The following MBTPS1 variants were observed in gnomAD, a reference collection of about 807,000 sequenced individuals.
The protein encoded by MBTPS1 is membrane bound transcription factor peptidase, site 1, also known as membrane-bound transcription factor site-1 protease.
Under a neutral mutation model 127.8 loss-of-function variants are expected in MBTPS1, and 94 were observed. The observed-to-expected ratio is 0.74, with a 90% CI of 0.62 to 0.87. The LOEUF is 0.87. Ranked by LOEUF, MBTPS1 falls within the 40% of genes least tolerant of loss-of-function variation. The pLI, the probability that MBTPS1 is intolerant of heterozygous loss-of-function variation, is 0.00. For synonymous variants in MBTPS1, 632 were observed against 509.4 expected (o/e 1.24, Z -3.24); for missense variants, 1,636 against 1,353.2 (o/e 1.21, Z -3.28).
intron 10 of MBTPS1, among the ~76,000 whole-genome samples, chr16:84,083,075 C>A (rs2085964458): frequency 6.6e-6 from 1 of 152,244 alleles, no homozygotes; most frequent in Non-Finnish European, 1.5e-5. Context: ...GCTTACTCAA[C>A]AGCAGAGAGC....
chr16:84,061,959 A>G (rs1597304515), intron 19 of MBTPS1, among the ~76,000 whole-genome samples: 1 of 152,166 alleles, frequency 6.6e-6, no homozygotes, highest in Non-Finnish European at 1.5e-5. Context: ...GAAAGATGAA[A>G]AAAGCTGCCA....
chr16:84,106,839 G>A (rs749602415), intron 1 of MBTPS1, among the ~76,000 whole-genome samples: 6 of 152,176 alleles, frequency 3.9e-5, no homozygotes, highest in South Asian at 2.1e-4. Flanking sequence ...GATAAGAGGC[G>A]ATGACATTAC....
At position 84,068,330 on chromosome 16, in the gene MBTPS1, G is replaced by T. The variant is rs1320875711; in HGVS notation, c.2071+9C>A. 2 of 1,563,006 alleles carry T rather than the reference G, an allele frequency of 1.3e-6. No homozygotes were observed. The highest frequency in any genetic ancestry group is 1.7e-5 in the Admixed American group (1 of 59,922). On this transcript the variant is annotated intron_variant, in intron 15 of 22. Transcript: ENST00000343411. ...AAGACCATCTGGCTAGCACAGCAGT[G>T]CCACTTACCATACTGACTGGCATCA...
intron 1 of MBTPS1, among the ~76,000 whole-genome samples, chr16:84,114,512 TC>T (rs1183752158): frequency 2.0e-5 from 3 of 152,022 alleles, no homozygotes; most frequent in African/African-American, 7.2e-5. Flanking sequence ...CCTCCAAACT[TC>T]TAACTTCCTT....
chr16:84,065,758 G>A lies in MBTPS1; in HGVS notation c.2363C>T (p.Ala788Val), dbSNP rs1316768461. The A allele has an allele frequency of 1.9e-6, 3 of 1,599,028 alleles. No homozygotes were observed. Among genetic ancestry groups the A allele is most frequent in the East Asian group, 2.2e-5 (1 of 44,452 alleles). ...FTLANHDMYYASGCSIAKFPE... is the reference protein window; with the variant it reads ...FTLANHDMYYVSGCSIAKFPE... ...AAACTTCGCGATGCTGCACCCTGAC[G>A]CATAATACACTAGGAAAGAGTGTTC... Residue 788 changes from alanine (A) to valine (V), a missense_variant, in exon 18 of 23, where the codon GCG (alanine) becomes GTG (valine). Transcript: ENST00000343411.
At chr16:84,114,933 G>C (rs1463339598) in intron 1 of MBTPS1, among the ~76,000 whole-genome samples, 1 of 150,312 alleles carries the variant, frequency 6.7e-6, no homozygotes, top group Non-Finnish European at 1.5e-5. Context: ...GTTTTTTTTT[G>C]TTTTTTGTTT....
At chr16:84,095,265 G>T (rs1360438192) in intron 4 of MBTPS1, among the ~76,000 whole-genome samples, 2 of 152,232 alleles carry the variant, frequency 1.3e-5, no homozygotes, top group Non-Finnish European at 2.9e-5. Context: ...GTGGCCGGCA[G>T]CGCTGTGCTC....
intron 11 of MBTPS1, among the ~76,000 whole-genome samples, chr16:84,077,319 G>T (rs1036558339): frequency 6.6e-6 from 1 of 151,274 alleles, no homozygotes; most frequent in Non-Finnish European, 1.5e-5. Flanking sequence ...AAATTACAAG[G>T]GGAACTAGCA....
intron 22 of MBTPS1, 38 bp downstream of exon 22, chr16:84,055,967 G>T (rs756857054): frequency 3.1e-6 from 5 of 1,596,568 alleles, no homozygotes; most frequent in African/African-American, 1.3e-5. Context: ...CAAAATACAG[G>T]ATGACTGAGC....
At chr16:84,087,258 G>C in intron 9 of MBTPS1, 100 bp downstream of exon 9, 2 of 850,498 alleles carry the variant, frequency 2.4e-6, no homozygotes, top group Non-Finnish European at 3.9e-6. Context: ...GAGGGTGTCT[G>C]TGCACTTACA....
chr16:84,067,932 A>C (rs1364673748), intron 15 of MBTPS1, 109 bp from the exon 16 acceptor site: 1 of 1,100,838 alleles, frequency 9.1e-7, no homozygotes, highest in East Asian at 2.6e-5. Context: ...GACACCTAAC[A>C]GTCTGGTTTG....
At chr16:84,109,331 G>C (rs1262869393) in intron 1 of MBTPS1, 1 of 152,170 alleles carries the variant, frequency 6.6e-6, no homozygotes, top group Non-Finnish European at 1.5e-5. Context: ...CCAACCCGTG[G>C]AATAAAACAG....
At chr16:84,095,921 G>C (rs1258629920) in intron 3 of MBTPS1, 116 bp from the exon 4 acceptor site, 1 of 752,322 alleles carries the variant, frequency 1.3e-6, no homozygotes, top group Non-Finnish European at 2.2e-6. Flanking sequence ...CTGTTTGAAG[G>C]AAAGTGGGAT....
intron 1 of MBTPS1, among the ~76,000 whole-genome samples, chr16:84,104,152 C>G (rs1159911149): frequency 4.6e-5 from 7 of 152,160 alleles, no homozygotes; most frequent in Admixed American, 3.9e-4. Flanking sequence ...CCAGTAATAA[C>G]AGTTCTCATA....
intron 1 of MBTPS1, among the ~76,000 whole-genome samples, chr16:84,116,342 C>G (rs1434699233): frequency 6.6e-6 from 1 of 152,228 alleles, no homozygotes; most frequent in Non-Finnish European, 1.5e-5. Flanking sequence ...CAAAAACCAG[C>G]AGCGCAATAT....
At chr16:84,070,802 G>A in intron 12 of MBTPS1, 26 bp from the exon 13 acceptor site, 4 of 1,571,970 alleles carry the variant, frequency 2.5e-6, no homozygotes, top group Non-Finnish European at 3.5e-6. Context: ...ATCAGACAAA[G>A]GCTAAAGTGA....
chr16:84,064,319 G>A (rs2085651662), intron 18 of MBTPS1, among the ~76,000 whole-genome samples: 2 of 152,122 alleles, frequency 1.3e-5, no homozygotes, highest in South Asian at 4.1e-4. Context: ...TTCTTTGGAA[G>A]AGGGAAGCAG....
At chr16:84,067,618 T>C (rs1567476655) in intron 16 of MBTPS1, 49 bp downstream of exon 16, 1 of 1,429,726 alleles carries the variant, frequency 7.0e-7, no homozygotes, top group Admixed American at 1.9e-5. Flanking sequence ...CTGGGTAGAA[T>C]TTGATTCCCC....
In MBTPS1 at chr16:84,068,723, T is replaced by C. The variant is rs563616836; in HGVS notation, c.1956-269A>G. On this transcript the variant is annotated intron_variant, in intron 14 of 22. Transcript: ENST00000343411. Reference sequence around the variant, plus strand: ...AAGAAATGGCCAAAGACATGTTTAATGTGTCCTGGACCATCACTGTAGCAG... The same window carrying C: ...AAGAAATGGCCAAAGACATGTTTAACGTGTCCTGGACCATCACTGTAGCAG... 4.6e-5 allele frequency among the ~76,000 whole-genome samples: 7 copies of C among 152,360 alleles called. No homozygotes were observed. The South Asian group carries it at 1.2e-3, about 27-fold the overall frequency.
Sources: allele counts gnomAD v4.1 joint callset (sites outside exome capture counted in the v4.1 genomes callset), GRCh38; gene constraint gnomAD v4.1.1; transcripts MANE v1.5; gene names NCBI Gene and HGNC (gene_info 2026-07-23, HGNC 2026-07-21).